The following MEGF11 variants were observed in gnomAD, a reference collection of about 807,000 sequenced individuals.
The protein encoded by MEGF11 is multiple EGF like domains 11.
MEGF11 carries 126 observed loss-of-function variants against 146.6 expected under a neutral mutation model. That is an observed-to-expected ratio of 0.86 (90% CI 0.74 to 1.00). MEGF11 has a LOEUF of 1.00. Among genes scored for constraint, MEGF11 ranks in the 50% least tolerant of loss-of-function variants. The pLI is 0.00. For synonymous variants in MEGF11, 532 were observed against 583.4 expected (o/e 0.91, Z 1.27); for missense variants, 1,509 against 1,521.2 (o/e 0.99, Z 0.13).
chr15:66,222,067 G>A (rs1051008072), intron 1 of MEGF11, among the ~76,000 whole-genome samples: 4 of 152,170 alleles, frequency 2.6e-5, no homozygotes, highest in African/African-American at 4.8e-5. Flanking sequence ...TTTGGTGGGT[G>A]ACAGGGTAAT....
intron 25 of MEGF11, chr15:65,898,499 G>A (rs1280624139): frequency 8.1e-6 from 8 of 985,204 alleles, no homozygotes; most frequent in African/African-American, 1.7e-5. Context: ...CCCAGTATTT[G>A]TTTCATATTA....
Position 65,922,421 on chromosome 15 carries a change from C to A in MEGF11, c.1874G>T (p.Cys625Phe). 2 of 1,591,334 alleles carry A rather than the reference C, an allele frequency of 1.3e-6. No individual in the cohort carries two copies. Among genetic ancestry groups the A allele is most frequent in the Non-Finnish European group, 1.7e-6 (2 of 1,169,626 alleles). The change falls in exon 15 of 26, where the codon TGC becomes TTC. Residue 625 changes from cysteine (C) to phenylalanine (F), a missense_variant. Physicochemically the swap from Cys to Phe is radical, Grantham distance 205 (BLOSUM62 -2). Transcript: ENST00000395614. ...GHGCAQPCPL[C>F]VHSSRPCHHI... Reference sequence around the variant, plus strand: ...GTGGCAGGGCCTGCTGCTGTGCACGCAGAGGGGGCATGGCTGGGCGCAGCC... The same window carrying A: ...GTGGCAGGGCCTGCTGCTGTGCACGAAGAGGGGGCATGGCTGGGCGCAGCC...
intron 1 of MEGF11, among the ~76,000 whole-genome samples, chr15:66,154,730 C>T (rs1288003235): frequency 6.6e-6 from 1 of 152,144 alleles, no homozygotes; most frequent in Non-Finnish European, 1.5e-5. Context: ...AAATCTTTAA[C>T]AACTAGGGGG....
At chr15:66,250,135 G>A (rs1357338858) in intron 1 of MEGF11, among the ~76,000 whole-genome samples, 3 of 152,180 alleles carry the variant, frequency 2.0e-5, no homozygotes, top group African/African-American at 7.2e-5. Flanking sequence ...GATCATAGTT[G>A]CCAGCACTCA....
chr15:66,088,514 TG>T (rs2086202109), intron 5 of MEGF11, among the ~76,000 whole-genome samples: 4 of 152,180 alleles, frequency 2.6e-5, no homozygotes, highest in Admixed American at 2.6e-4. Context: ...TAGCTGGGCG[TG>T]GTGGCATGCA....
intron 1 of MEGF11, among the ~76,000 whole-genome samples, chr15:66,159,285 C>T (rs576986811): frequency 1.2e-4 from 18 of 152,306 alleles, no homozygotes; most frequent in African/African-American, 4.1e-4. Flanking sequence ...TGATGGCCAG[C>T]GTCTGGCTGT....
rs183646219 is a variant in MEGF11, at chr15:66,037,944, T to C, written c.395-55456A>G. 3.9e-5 allele frequency among the ~76,000 whole-genome samples: 6 copies of C among 152,190 alleles called. No individual in the cohort carries two copies. In the East Asian group the frequency reaches 1.2e-3, roughly 29 times the overall value. Reference sequence around the variant, plus strand: ...CCCATGGCCACATGATACCTGGAGGTTTGAATAATTAACAGGAAATGTAAA... The same window carrying C: ...CCCATGGCCACATGATACCTGGAGGCTTGAATAATTAACAGGAAATGTAAA... On this transcript the variant is annotated intron_variant, in intron 5 of 25. Coordinates refer to ENST00000395614, the MANE Select transcript of MEGF11 (RefSeq NM_001385028.1).
At chr15:66,076,128 A>C (rs966593847) in intron 5 of MEGF11, among the ~76,000 whole-genome samples, 1 of 152,158 alleles carries the variant, frequency 6.6e-6, no homozygotes, top group Non-Finnish European at 1.5e-5. Context: ...TAGATGGATG[A>C]ATGGACAGAG....
At chr15:66,057,812 A>G (rs1379316349) in intron 5 of MEGF11, among the ~76,000 whole-genome samples, 1 of 152,230 alleles carries the variant, frequency 6.6e-6, no homozygotes, top group Non-Finnish European at 1.5e-5. Flanking sequence ...AGATCTGTTC[A>G]GGGCCCAGCT....
At chr15:66,217,918 A>G (rs140569797) in intron 1 of MEGF11, among the ~76,000 whole-genome samples, 41 of 152,218 alleles carry the variant, frequency 2.7e-4, no homozygotes, top group African/African-American at 9.6e-4. Flanking sequence ...CCCTGTCCCT[A>G]TTCACCCCAC....
intron 1 of MEGF11, among the ~76,000 whole-genome samples, chr15:66,224,548 T>C (rs1195379618): frequency 1.3e-5 from 2 of 150,612 alleles, no homozygotes; most frequent in Non-Finnish European, 3.0e-5. Flanking sequence ...GGCGCCACTG[T>C]ACTCCAGCCT....
intron 4 of MEGF11, among the ~76,000 whole-genome samples, chr15:66,096,470 C>T (rs573192156): frequency 4.6e-5 from 7 of 152,318 alleles, no homozygotes; most frequent in East Asian, 3.9e-4. Flanking sequence ...TGGGGTGGCT[C>T]CTGGAGCTAG....
chr15:66,116,840 G>T (rs2087754994), intron 4 of MEGF11, among the ~76,000 whole-genome samples: 1 of 152,144 alleles, frequency 6.6e-6, no homozygotes, highest in Non-Finnish European at 1.5e-5. Context: ...TGTTACTACT[G>T]CCATTTTACA....
intron 15 of MEGF11, among the ~76,000 whole-genome samples, chr15:65,919,099 C>T (rs764455529): frequency 6.6e-5 from 10 of 152,226 alleles, no homozygotes; most frequent in African/African-American, 1.9e-4. Context: ...CTGCTTTATA[C>T]CACACTGCCT....
At chr15:66,094,593 G>A in intron 4 of MEGF11, 99 bp from the exon 5 acceptor site, 1 of 989,330 alleles carries the variant, frequency 1.0e-6, no homozygotes. Context: ...ACTCCCTGGT[G>A]CCCAGGGATG....
chr15:66,208,488 C>T (rs1282624634), intron 1 of MEGF11, among the ~76,000 whole-genome samples: 4 of 152,076 alleles, frequency 2.6e-5, no homozygotes, highest in Non-Finnish European at 5.9e-5. Context: ...TCAATAATTA[C>T]ATCAAATGTA....
chr15:66,073,152 C>T (rs1029958708), intron 5 of MEGF11, among the ~76,000 whole-genome samples: 1 of 152,224 alleles, frequency 6.6e-6, no homozygotes, highest in African/African-American at 2.4e-5. Context: ...ACCCCCACCT[C>T]CGCCTCGCCA....
At chr15:66,240,602 C>T (rs999441865) in intron 1 of MEGF11, among the ~76,000 whole-genome samples, 1 of 152,196 alleles carries the variant, frequency 6.6e-6, no homozygotes, top group Non-Finnish European at 1.5e-5. Context: ...CTTTTACCTG[C>T]CTTGTTCATT....
rs1567145107 is a variant in MEGF11 at position 65,898,048 on chromosome 15, G to T, written c.3309C>A (p.Ser1103Arg). The T allele has an allele frequency of 6.2e-7, 1 of 1,614,022 alleles. No individual in the cohort carries two copies. The highest frequency in any genetic ancestry group is 2.2e-5 in the East Asian group (1 of 44,892). The change falls in exon 26 of 26, where the codon AGC becomes AGA. Residue 1103 changes from serine (S) to arginine (R), a missense_variant. By Grantham distance (110) the Ser-to-Arg change is moderately radical (BLOSUM62 -1). Transcript: ENST00000395614. The stretch of plus-strand genomic sequence containing the variant: ...GTAGGTCGTATGCATTCTGGATATA[G>T]CTGGAGTTATGACCGCAACCTTCTT... ...VVQEGCGHNS[S>R]YIQNAYDLPR...
Sources: allele counts gnomAD v4.1 joint callset (sites outside exome capture counted in the v4.1 genomes callset), GRCh38; gene constraint gnomAD v4.1.1; transcripts MANE v1.5; gene names NCBI Gene and HGNC (gene_info 2026-07-23, HGNC 2026-07-21).